Variants in GGT7 observed in about 807,000 individuals in gnomAD.
The protein encoded by GGT7 is gamma-glutamyltransferase 7.
In GGT7, 30 loss-of-function variants were observed where a neutral mutation model predicts 69.2. The observed-to-expected ratio is 0.43, with a 90% confidence interval of 0.32 to 0.59. GGT7 has a LOEUF of 0.59. Ranked by LOEUF, GGT7 falls within the 20% of genes least tolerant of loss-of-function variation. GGT7 has a pLI of 0.05. For missense variants in GGT7, 733 were observed against 901.1 expected (o/e 0.81, Z 2.39); for synonymous variants, 388 against 391.8 (o/e 0.99, Z 0.12).
In GGT7 at chr20:34,859,556, G is replaced by A. The variant is rs1331342053; in HGVS notation, c.901C>T (p.Pro301Ser). Reference sequence around the variant, plus strand: ...TCGGGCCGATGCAGCAACGAGCCAGGTAGTGGCGGGCGGCCCGATGGCAGG... The same window carrying A: ...TCGGGCCGATGCAGCAACGAGCCAGATAGTGGCGGGCGGCCCGATGGCAGG... ...TFLPSGRPPLPGSLLHRPDLA... is the reference protein window; with the variant it reads ...TFLPSGRPPLSGSLLHRPDLA... Residue 301 changes from proline (P) to serine (S), a missense_variant, in exon 7 of 15, where the codon CCT becomes TCT. Coordinates refer to ENST00000336431, the MANE Select transcript of GGT7 (RefSeq NM_178026.3). 1.9e-6 allele frequency: 3 copies of A among 1,606,404 alleles called. No individual in the cohort carries two copies. The highest frequency in any genetic ancestry group is 2.2e-5 in the East Asian group (1 of 44,582).
chr20:34,863,267 C>A lies in GGT7; in HGVS notation c.405+46G>T, dbSNP rs368499505. 2 of 1,348,636 alleles carry A rather than the reference C, an allele frequency of 1.5e-6. No homozygotes were observed. Among genetic ancestry groups the A allele is most frequent in the African/African-American group, 2.9e-5 (2 of 69,614 alleles). The allele number at this position is 1,348,636 out of a possible 1,614,324, so 83.5% of individuals were successfully genotyped here. A position where few individuals can be genotyped will look rare whatever the true frequency, so the allele number is the denominator to read the frequency against. The stretch of plus-strand genomic sequence containing the variant: ...CCACAGTTCCTCAAACATTACCCCA[C>A]TCCCCACTCCCCAGTTTCCTCCCCC... On this transcript the variant is annotated intron_variant, in intron 2 of 14. Transcript: ENST00000336431. This position sits in a 1 kb window ranked among gnomAD's most constrained non-coding sequence, Gnocchi z 4.4.
In GGT7 at chr20:34,850,045, G is replaced by C. The variant is rs767462340; in HGVS notation, c.1741C>G (p.Leu581Val). ...SGLTQVLLNVLTLNRNLSDSL... is the reference protein window; with the variant it reads ...SGLTQVLLNVVTLNRNLSDSL... Reference sequence around the variant, plus strand: ...TCACTCAGGTTCCGGTTCAAGGTCAGGACATTCAGCAGAACCTGTGGTAGC... The same window carrying C: ...TCACTCAGGTTCCGGTTCAAGGTCACGACATTCAGCAGAACCTGTGGTAGC... The change falls in exon 14 of 15, where the codon CTG becomes GTG. Residue 581 changes from leucine to valine, a missense_variant. Physicochemically the swap from Leu to Val is conservative, Grantham distance 32. Coordinates refer to ENST00000336431, the MANE Select transcript of GGT7 (RefSeq NM_178026.3). The C allele has an allele frequency of 1.2e-6, 2 of 1,613,540 alleles. No individual in the cohort carries two copies. The highest frequency in any genetic ancestry group is 3.3e-5 in the Admixed American group (2 of 60,028).
At position 34,863,491 on chromosome 20, in the gene GGT7, T is replaced by A. The variant is rs760040471; in HGVS notation, c.227A>T (p.Glu76Val). 3 of 1,605,188 alleles carry A rather than the reference T, an allele frequency of 1.9e-6. No individual in the cohort carries two copies. Among genetic ancestry groups the A allele is most frequent in the Non-Finnish European group, 2.6e-6 (3 of 1,176,370 alleles). Residue 76 changes from glutamate (E) to valine (V), a missense_variant, in exon 2 of 15, where the codon GAG (glutamate) becomes GTG (valine). Coordinates refer to ENST00000336431, the MANE Select transcript of GGT7 (RefSeq NM_178026.3). This position sits in a 1 kb window ranked among gnomAD's most constrained non-coding sequence, Gnocchi z 4.4. ...CGGCGACCCGTCTTGGCTGCCCATC[T>A]CCGACGACGACGATGGCAGCCGCTG... ...RLQRLPSSSS[E>V]MGSQDGSPLR...
chr20:34,854,334 G>A (rs574158356), intron 10 of GGT7, among the ~76,000 whole-genome samples, 197 bp downstream of exon 10: 1 of 152,352 alleles, frequency 6.6e-6, no homozygotes, highest in East Asian at 1.9e-4. Context: ...AGAGCCACAT[G>A]AAGTAAGCCA....
At chr20:34,866,874 C>T (rs1009158287) in intron 1 of GGT7, among the ~76,000 whole-genome samples, 4 of 152,154 alleles carry the variant, frequency 2.6e-5, no homozygotes, top group Non-Finnish European at 5.9e-5. Flanking sequence ...AGCCACCGCA[C>T]CCTGCTGTTT....
chr20:34,849,691 G>A (rs2079358005), intron 14 of GGT7, among the ~76,000 whole-genome samples: 1 of 152,220 alleles, frequency 6.6e-6, no homozygotes, highest in African/African-American at 2.4e-5. Flanking sequence ...TTGAGTAAAT[G>A]AAAGTTTGAA....
At chr20:34,847,690 C>T (rs2079322374) in intron 14 of GGT7, among the ~76,000 whole-genome samples, 1 of 152,226 alleles carries the variant, frequency 6.6e-6, no homozygotes, top group South Asian at 2.1e-4. Context: ...CTAAAAACTA[C>T]ACATATCTAT....
chr20:34,861,428 C>A lies in GGT7; in HGVS notation c.675+17G>T. On this transcript the variant is annotated intron_variant, in intron 4 of 14. Transcript: ENST00000336431. ...GAGAGACTCCCCTGAACTCTCTCTT[C>A]TCACCAGGGTCCCCACCTTGGTCTC... 7.4e-7 allele frequency: 1 copy of A among 1,354,456 alleles called. No homozygotes were observed. Among genetic ancestry groups the A allele is most frequent in the Admixed American group, 1.8e-5 (1 of 54,056 alleles). The allele number at this position is 1,354,456 out of a possible 1,614,324, so 83.9% of individuals were successfully genotyped here.
intron 1 of GGT7, among the ~76,000 whole-genome samples, chr20:34,866,938 A>C (rs2079700286): frequency 6.6e-6 from 1 of 152,092 alleles, no homozygotes. Context: ...CTCACTTCAT[A>C]ATGCTTGCCT....
Position 34,845,003 on chromosome 20 carries a change from C to T in GGT7, c.*325G>A. ...GACCCTTGAGAAGGGTTTGCAAGCACATCCCTAAGCTCGGGGCCAGCATGG... is the reference window on the plus strand; with the variant it reads ...GACCCTTGAGAAGGGTTTGCAAGCATATCCCTAAGCTCGGGGCCAGCATGG... On this transcript the variant is annotated 3_prime_UTR_variant, in exon 15 of 15. Transcript: ENST00000336431. 2 of 322,746 alleles carry T rather than the reference C, an allele frequency of 6.2e-6. No individual in the cohort carries two copies. The highest frequency in any genetic ancestry group is 1.2e-5 in the Non-Finnish European group (2 of 173,828). 20.0% of individuals were successfully genotyped at this position (322,746 alleles called of 1,614,324 possible). A position where few individuals can be genotyped will look rare whatever the true frequency, so the allele number is the denominator to read the frequency against.
chr20:34,851,292 C>A lies in GGT7; in HGVS notation c.1664G>T (p.Cys555Phe). The change falls in exon 13 of 15, where the codon TGT becomes TTT. Residue 555 changes from cysteine (C) to phenylalanine (F), a missense_variant. By Grantham distance (205) the Cys-to-Phe change is radical. Coordinates refer to ENST00000336431, the MANE Select transcript of GGT7 (RefSeq NM_178026.3). ...GGCCCCCAGAGCGAGGTAGGTTCCA[C>A]AGAGCCCCTCCGCGGGTCGGACCAC... is the stretch of plus-strand genomic sequence containing the variant. ...PTVVRPAEGL[C>F]GTYLALGANG... 1 of 1,613,992 alleles carries A rather than the reference C, an allele frequency of 6.2e-7. No individual in the cohort carries two copies. The highest frequency in any genetic ancestry group is 8.5e-7 in the Non-Finnish European group (1 of 1,180,034).
rs377137760 is a variant in GGT7, at chr20:34,852,365, G to C, written c.1469+24C>G. 5.0e-6 allele frequency: 8 copies of C among 1,612,422 alleles called. No homozygotes were observed. The Admixed American group carries it at 5.0e-5, about 10-fold the overall frequency. On this transcript the variant is annotated intron_variant, in intron 11 of 14. Coordinates refer to ENST00000336431, the MANE Select transcript of GGT7 (RefSeq NM_178026.3). ...TTGGTTCAGAGGATCCCTTGTTCCAGGTTCTGAGTCTGAGCTGGCATACCT... is the reference window on the plus strand; with the variant it reads ...TTGGTTCAGAGGATCCCTTGTTCCACGTTCTGAGTCTGAGCTGGCATACCT...
intron 1 of GGT7, 105 bp downstream of exon 1, chr20:34,872,542 T>G: frequency 1.1e-5 from 8 of 730,196 alleles, no homozygotes; most frequent in Non-Finnish European, 1.6e-5. Context: ...TCCAAGAAGA[T>G]GGGGATGAAT....
At chr20:34,861,606 C>G in intron 3 of GGT7, 44 bp from the exon 4 acceptor site, 1 of 1,162,796 alleles carries the variant, frequency 8.6e-7, no homozygotes, top group African/African-American at 1.6e-5. Context: ...AACATGCTAC[C>G]CCTCTGTACA....
At chr20:34,851,035 A>G (rs113414220) in intron 13 of GGT7, 196 bp downstream of exon 13, 11 of 686,932 alleles carry the variant, frequency 1.6e-5, no homozygotes, top group African/African-American at 1.4e-4. Flanking sequence ...GACAGGGAGC[A>G]TCAGGGCTCC....
Position 34,863,460 on chromosome 20 carries a change from G to T in GGT7, c.258C>A (p.Arg86=), listed in dbSNP as rs148446671. The part of the protein sequence containing the change: ...EMGSQDGSPL[R]ETRKDPFSAA... ...CGGAGAACGGGTCTTTGCGCGTCTC[G>T]CGTAGCGGCGACCCGTCTTGGCTGC... The change falls in exon 2 of 15, where the codon CGC becomes CGA. Residue 86 remains arginine (R), a synonymous_variant. Transcript: ENST00000336431. The surrounding 1 kb of genome is among the most constrained non-coding windows in gnomAD (Gnocchi z 4.4). 2 of 1,611,218 alleles carry T rather than the reference G, an allele frequency of 1.2e-6. No homozygotes were observed. Among genetic ancestry groups the T allele is most frequent in the East Asian group, 2.2e-5 (1 of 44,778 alleles).
chr20:34,868,293 C>T (rs1168689868), intron 1 of GGT7, among the ~76,000 whole-genome samples: 1 of 152,166 alleles, frequency 6.6e-6, no homozygotes, highest in African/African-American at 2.4e-5. Context: ...TTGATTTATA[C>T]AATAAAAATA....
chr20:34,845,585 C>T, intron 14 of GGT7, 94 bp from the exon 15 acceptor site: 1 of 1,059,174 alleles, frequency 9.4e-7, no homozygotes, highest in Non-Finnish European at 1.4e-6. Context: ...CCTGGCTGCT[C>T]CACCACAGAG....
intron 14 of GGT7, among the ~76,000 whole-genome samples, chr20:34,847,131 T>G (rs988548270): frequency 6.6e-6 from 1 of 152,214 alleles, no homozygotes; most frequent in Admixed American, 6.5e-5. Flanking sequence ...TATAAGCTTT[T>G]TGAAGTTAGG....
Sources: allele counts gnomAD v4.1 joint callset (sites outside exome capture counted in the v4.1 genomes callset), GRCh38; gene constraint gnomAD v4.1.1; non-coding constraint Gnocchi (gnomAD v3.1); transcripts MANE v1.5; gene names NCBI Gene and HGNC (gene_info 2026-07-23, HGNC 2026-07-21).